The following GRID2 variants were observed in gnomAD, a reference collection of about 807,000 sequenced individuals.
GRID2 encodes glutamate receptor ionotropic, delta-2.
In GRID2, 33 loss-of-function variants were observed where a neutral mutation model predicts 114.8. The ratio of observed to expected loss-of-function variants is 0.29; its 90% CI spans 0.22 to 0.38. GRID2 has a LOEUF of 0.38. Among genes scored for constraint, GRID2 ranks in the 10% least tolerant of loss-of-function variants. GRID2 has a pLI of 1.00. For synonymous variants in GRID2, 505 were observed against 449.9 expected (o/e 1.12, Z -1.55); for missense variants, 1,184 against 1,257.7 (o/e 0.94, Z 0.89).
chr4:92,771,935 C>G (rs547091158), intron 2 of GRID2, among the ~76,000 whole-genome samples: 1 of 152,292 alleles, frequency 6.6e-6, no homozygotes, highest in South Asian at 2.1e-4. Context: ...CAGGAAAATA[C>G]GTCTACTATT....
At chr4:92,642,389 G>A (rs575202132) in intron 2 of GRID2, among the ~76,000 whole-genome samples, 5 of 151,862 alleles carry the variant, frequency 3.3e-5, no homozygotes, top group African/African-American at 1.2e-4. Context: ...TCTCTAATTC[G>A]TGATGATAAG....
chr4:93,391,795 G>A (rs1161041581), intron 8 of GRID2, among the ~76,000 whole-genome samples: 1 of 152,124 alleles, frequency 6.6e-6, no homozygotes, highest in Non-Finnish European at 1.5e-5. Context: ...ACACATGTTA[G>A]GAGCAGGCTA....
chr4:92,600,899 G>C (rs1729188989), intron 2 of GRID2, among the ~76,000 whole-genome samples: 1 of 152,202 alleles, frequency 6.6e-6, no homozygotes, highest in Non-Finnish European at 1.5e-5. Flanking sequence ...AAGCACTCTG[G>C]CTGCCCCTTG....
intron 14 of GRID2, among the ~76,000 whole-genome samples, chr4:93,756,804 T>C (rs1222378450): frequency 1.8e-4 from 28 of 152,238 alleles, no homozygotes; most frequent in Admixed American, 1.8e-3. Context: ...TTAACAAATA[T>C]TTATTGAGTG....
intron 1 of GRID2, among the ~76,000 whole-genome samples, chr4:92,436,257 C>T (rs1732730703): frequency 6.6e-6 from 1 of 152,062 alleles, no homozygotes; most frequent in African/African-American, 2.4e-5. Context: ...GGGCAACAAA[C>T]ATTTAACTAG....
At chr4:92,778,758 T>C (rs1022076901) in intron 2 of GRID2, among the ~76,000 whole-genome samples, 2 of 152,222 alleles carry the variant, frequency 1.3e-5, no homozygotes, top group Admixed American at 6.6e-5. Context: ...CTAAGAATTA[T>C]GGTCAGAAAA....
intron 1 of GRID2, among the ~76,000 whole-genome samples, chr4:92,455,579 G>T (rs1463086606): frequency 6.6e-6 from 1 of 152,088 alleles, no homozygotes; most frequent in Non-Finnish European, 1.5e-5. Context: ...AGAGCGTTCT[G>T]GTGAGCAGGA....
At chr4:93,324,877 G>A (rs1276275360) in intron 8 of GRID2, among the ~76,000 whole-genome samples, 1 of 152,048 alleles carries the variant, frequency 6.6e-6, no homozygotes, top group Non-Finnish European at 1.5e-5. Context: ...GGGATTGGTG[G>A]TGATATCCCC....
At chr4:93,753,925 G>T (rs1443282024) in intron 14 of GRID2, among the ~76,000 whole-genome samples, 1 of 152,128 alleles carries the variant, frequency 6.6e-6, no homozygotes, top group Non-Finnish European at 1.5e-5. Context: ...ACTTAGTGAT[G>T]GGGATACATT....
chr4:92,765,510 C>A (rs1267930389), intron 2 of GRID2, among the ~76,000 whole-genome samples: 3 of 150,692 alleles, frequency 2.0e-5, no homozygotes, highest in Admixed American at 1.3e-4. Context: ...GTGAGACAAG[C>A]TATTTTTTTT....
intron 1 of GRID2, among the ~76,000 whole-genome samples, chr4:92,535,775 G>A (rs866776904): frequency 6.6e-6 from 1 of 152,288 alleles, no homozygotes; most frequent in Middle Eastern, 3.4e-3. Context: ...ACGGACCGTC[G>A]TGGTGAGTGT....
chr4:93,108,054 G>A (rs368477489), intron 3 of GRID2, among the ~76,000 whole-genome samples: 4 of 152,160 alleles, frequency 2.6e-5, no homozygotes, highest in African/African-American at 9.6e-5. Context: ...TGATCCACAG[G>A]CTCTTTAATG....
chr4:93,148,348 T>A (rs1736439183), intron 4 of GRID2, among the ~76,000 whole-genome samples: 1 of 152,124 alleles, frequency 6.6e-6, no homozygotes, highest in African/African-American at 2.4e-5. Flanking sequence ...AAATCTTATA[T>A]ATTAGTATCA....
chr4:93,451,124 A>G (rs1261643001), intron 10 of GRID2, among the ~76,000 whole-genome samples: 1 of 152,098 alleles, frequency 6.6e-6, no homozygotes, highest in African/African-American at 2.4e-5. Flanking sequence ...TTTATTGACC[A>G]TGAATTCTAT....
At chr4:93,327,955 G>A (rs1004232251) in intron 8 of GRID2, among the ~76,000 whole-genome samples, 1 of 151,966 alleles carries the variant, frequency 6.6e-6, no homozygotes, top group Non-Finnish European at 1.5e-5. Context: ...TCAATAATAG[G>A]TTAATAGAAA....
chr4:92,715,464 C>T (rs181236589), intron 2 of GRID2, among the ~76,000 whole-genome samples: 1 of 152,116 alleles, frequency 6.6e-6, no homozygotes. Context: ...TTCAGCAGCA[C>T]CCCACCCCTG....
intron 4 of GRID2, among the ~76,000 whole-genome samples, chr4:93,146,479 G>A (rs1303807387): frequency 1.3e-5 from 2 of 152,120 alleles, no homozygotes; most frequent in African/African-American, 4.8e-5. Flanking sequence ...CTTTTCATGT[G>A]TGATCTTCTT....
At chr4:93,302,448 T>A (rs1754975657) in intron 8 of GRID2, 6 of 405,268 alleles carry the variant, frequency 1.5e-5, no homozygotes, top group South Asian at 7.4e-5. Context: ...GTATGCCAGT[T>A]ATGCCCCATC....
intron 1 of GRID2, among the ~76,000 whole-genome samples, chr4:92,396,339 C>A (rs1730490059): frequency 6.6e-6 from 1 of 151,888 alleles, no homozygotes; most frequent in Admixed American, 6.6e-5. Flanking sequence ...GAATGTCTTG[C>A]ATGTTATATT....
Sources: gnomAD v4.1 joint callset for allele counts (sites outside exome capture counted in the v4.1 genomes callset) on GRCh38, gnomAD v4.1.1 for gene constraint, MANE v1.5 for transcripts, NCBI Gene and HGNC (gene_info 2026-07-23, HGNC 2026-07-21) for gene names.